The following SI variants were observed in gnomAD, a reference collection of about 807,000 sequenced individuals.
The protein encoded by SI is sucrase-isomaltase, also known as sucrase-isomaltase, intestinal.
A neutral mutation model predicts 253.3 loss-of-function variants in SI; 235 were observed. That is an observed-to-expected ratio of 0.93 (90% CI 0.83 to 1.03). The LOEUF (loss-of-function observed/expected upper bound fraction) is 1.03, where lower values mean the gene tolerates loss of function less well. SI is among the 50% of genes least tolerant of loss of function. The probability of loss-of-function intolerance (pLI) is 0.00; values close to 1 mark genes in which losing one functional copy is unlikely to be tolerated. For missense variants in SI, 2,442 were observed against 2,211.1 expected (o/e 1.10, Z -2.09); for synonymous variants, 819 against 712.0 (o/e 1.15, Z -2.39).
Position 165,021,158 on chromosome 3 carries a change from TA to T in SI, c.3254+70del. Reference sequence around the variant, plus strand: ...GCTACTCTAGGACAGTGAAGGCTGTTAATCATTTTACTTTTCCCTTCGTAAG... The same window carrying T: ...GCTACTCTAGGACAGTGAAGGCTGTTATCATTTTACTTTTCCCTTCGTAAG... On this transcript the variant is annotated intron_variant, in intron 27 of 47. Transcript: ENST00000264382. 2.2e-6 allele frequency: 3 copies of T among 1,351,440 alleles called. No homozygotes were observed. In the South Asian group the frequency reaches 3.5e-5, roughly 16 times the overall value. The allele number at this position is 1,351,440 out of a possible 1,614,324, so 83.7% of individuals were successfully genotyped here.
rs1231763828 is a variant in SI, at chr3:165,033,419, T to C, written c.2541A>G (p.Ile847Met). The C allele has an allele frequency of 6.4e-7, 1 of 1,552,500 alleles. No homozygotes were observed. Among genetic ancestry groups the C allele is most frequent in the Non-Finnish European group, 8.7e-7 (1 of 1,145,850 alleles). ...CATTAGAAACTGAAAATGTATATAATATGTAGTTGCCATTTTGTATTGTAT... is the reference window on the plus strand; with the variant it reads ...CATTAGAAACTGAAAATGTATATAACATGTAGTTGCCATTTTGTATTGTAT... ...TKDTIQNGNY[I>M]LYTFSVSNNT... The change falls in exon 23 of 48, where the codon ATA becomes ATG. Residue 847 changes from isoleucine (I) to methionine (M), a missense_variant. Transcript: ENST00000264382.
At position 165,043,111 on chromosome 3, in the gene SI, T is replaced by C; in HGVS notation, c.1952A>G (p.Gln651Arg). The change falls in exon 17 of 48, where the codon CAA (glutamine) becomes CGA (arginine). Residue 651 changes from glutamine to arginine, a missense_variant. Gln to Arg is a conservative substitution (Grantham distance 43). Transcript: ENST00000264382. The stretch of plus-strand genomic sequence containing the variant: ...GGAAAATGGATAAAATGCCCCAAGT[T>C]GCATCCATCTTCTGCAAAGTTCTTC... ...TTEELCRRWM[Q>R]LGAFYPFSRN... 6.2e-7 allele frequency: 1 copy of C among 1,612,794 alleles called. No homozygotes were observed. The highest frequency in any genetic ancestry group is 8.5e-7 in the Non-Finnish European group (1 of 1,179,256).
At chr3:165,073,424 A>G (rs1320910536) in intron 3 of SI, among the ~76,000 whole-genome samples, 2 of 152,022 alleles carry the variant, frequency 1.3e-5, no homozygotes, top group African/African-American at 4.8e-5. Flanking sequence ...AAGCTATAGG[A>G]CCTATTACTT....
In SI at chr3:164,994,373, A is replaced by G. The variant is rs148726149; in HGVS notation, c.4725T>C (p.Phe1575=). The G allele has an allele frequency of 6.2e-6, 10 of 1,611,108 alleles. No homozygotes were observed. The African/African-American group carries it at 1.1e-4, about 17-fold the overall frequency. The change falls in exon 41 of 48, where the codon TTT becomes TTC. Residue 1575 remains phenylalanine, a synonymous_variant. Coordinates refer to ENST00000264382, the MANE Select transcript of SI (RefSeq NM_001041.4). ...TTAGAATATTCCTTGACATTTCAGC[A>G]AAAGTTTCATTCCAGGAAGCGGGAT... ...RQDPASWNET[F]AEMSRNILNI... is the part of the protein sequence containing the mutation.
chr3:165,041,698 T>C (rs1448180454), intron 17 of SI, among the ~76,000 whole-genome samples: 3 of 152,066 alleles, frequency 2.0e-5, no homozygotes, highest in African/African-American at 7.2e-5. Context: ...GAGCTCAGGG[T>C]AGATAAGTGA....
At chr3:165,077,230 T>G (rs981246521) in intron 1 of SI, among the ~76,000 whole-genome samples, 1 of 151,516 alleles carries the variant, frequency 6.6e-6, no homozygotes, top group East Asian at 1.9e-4. Context: ...TTTCAATCCC[T>G]CCCCATCCAC....
At position 165,069,879 on chromosome 3, in the gene SI, A is replaced by G. The variant is rs1714446122; in HGVS notation, c.256-684T>C. Among the ~76,000 whole-genome samples, 4 of 151,496 alleles carry G rather than the reference A, an allele frequency of 2.6e-5. No homozygotes were observed. In the South Asian group the frequency reaches 8.3e-4, roughly 31 times the overall value. On this transcript the variant is annotated intron_variant, in intron 3 of 47. Coordinates refer to ENST00000264382, the MANE Select transcript of SI (RefSeq NM_001041.4). Reference sequence around the variant, plus strand: ...TGAATAGCAGTATAATTATAAATCTATGTAAATTTAATAGTGTGACACACT... The same window carrying G: ...TGAATAGCAGTATAATTATAAATCTGTGTAAATTTAATAGTGTGACACACT...
At chr3:165,060,115 T>C in intron 9 of SI, 88 bp from the exon 10 acceptor site, 1 of 1,125,924 alleles carries the variant, frequency 8.9e-7, no homozygotes, top group Non-Finnish European at 1.3e-6. Flanking sequence ...CTTATTTTCT[T>C]ATATCTCTAA....
the SI span, among the ~76,000 whole-genome samples, chr3:165,087,645 G>A: frequency 6.6e-6 from 1 of 151,980 alleles, no homozygotes; most frequent in Non-Finnish European, 1.5e-5. Context: ...CCTAGCAAAG[G>A]CAAAAATGTA....
chr3:165,019,560 G>A lies in SI; in HGVS notation c.3423+42C>T, dbSNP rs746353357. 3.7e-5 allele frequency: 58 copies of A among 1,577,396 alleles called. No individual in the cohort carries two copies. In the East Asian group the frequency reaches 1.3e-3, roughly 35 times the overall value. On this transcript the variant is annotated intron_variant, in intron 28 of 47. Transcript: ENST00000264382. ...AAGAAGTGGCTTGGATTCTACTCAT[G>A]GTCTTAGTTGCCTCGTGGAGTGGTC...
chr3:165,063,529 AATT>A lies in SI; in HGVS notation c.817_819del (p.Asn273del). Reference sequence around the variant, plus strand: ...ATAAAGAATGTTTGATGGCCGTATAAATTATTATTATTCTATAAGGCAAGAATT... The same window carrying A: ...ATAAAGAATGTTTGATGGCCGTATAAATTATTATTCTATAAGGCAAGAATT... On this transcript the variant is annotated inframe_deletion, in exon 8 of 48. Coordinates refer to ENST00000264382, the MANE Select transcript of SI (RefSeq NM_001041.4). 4 of 1,448,842 alleles carry A rather than the reference AATT, an allele frequency of 2.8e-6. No individual in the cohort carries two copies. The highest frequency in any genetic ancestry group is 1.2e-5 in the South Asian group (1 of 82,976). 89.7% of individuals were successfully genotyped at this position (1,448,842 alleles called of 1,614,324 possible). A position where few individuals can be genotyped will look rare whatever the true frequency, so the allele number is the denominator to read the frequency against.
chr3:164,984,172 A>G (rs762688396), intron 45 of SI, among the ~76,000 whole-genome samples: 4 of 152,124 alleles, frequency 2.6e-5, no homozygotes, highest in Non-Finnish European at 4.4e-5. Flanking sequence ...AAAAAAACAA[A>G]TAAGCATACA....
chr3:165,058,869 C>CACACACAG (rs1713834137), intron 12 of SI, 94 bp downstream of exon 12: 1 of 958,294 alleles, frequency 1.0e-6, no homozygotes, highest in Admixed American at 1.8e-5. Context: ...TACACACACA[C>CACACACAG]ACACACACAC....
rs1174115725 is a variant in SI, at chr3:165,047,029, A to G, written c.1716-17T>C. The stretch of plus-strand genomic sequence containing the variant: ...TGTACAGCTCTAAAAATAAAACCAA[A>G]TTAACAAATACAATTTATTTTAAAA... On this transcript the variant is annotated splice_polypyrimidine_tract_variant and intron_variant, in intron 15 of 47. Coordinates refer to ENST00000264382, the MANE Select transcript of SI (RefSeq NM_001041.4). The G allele has an allele frequency of 6.6e-7, 1 of 1,506,530 alleles. No homozygotes were observed. The allele number at this position is 1,506,530 out of a possible 1,614,324, so 93.3% of individuals were successfully genotyped here.
In SI at chr3:165,023,766, A is replaced by G. The variant is rs1711756335; in HGVS notation, c.2903T>C (p.Leu968Pro). 1 of 1,609,490 alleles carries G rather than the reference A, an allele frequency of 6.2e-7. No homozygotes were observed. Among genetic ancestry groups the G allele is most frequent in the African/African-American group, 1.3e-5 (1 of 74,722 alleles). ...RGCVWRTGSS[L>P]SKAPECYFPR... ...AAAGTAACACTCAGGTGCTTTGGAT[A>G]GAGAAGAACCCTAAAAACACAATGC... Residue 968 changes from leucine to proline, a missense_variant, in exon 26 of 48, where the codon CTA (leucine) becomes CCA (proline). Transcript: ENST00000264382.
Position 165,018,061 on chromosome 3 carries a change from T to A in SI, c.3429A>T (p.Lys1143Asn), listed in dbSNP as rs1719128586. 5.1e-6 allele frequency: 8 copies of A among 1,583,240 alleles called. No individual in the cohort carries two copies. Among genetic ancestry groups the A allele is most frequent in the Non-Finnish European group, 6.9e-6 (8 of 1,152,286 alleles). The change falls in exon 29 of 48, where the codon AAA becomes AAT. Residue 1143 changes from lysine (K) to asparagine (N), a missense_variant. Physicochemically the swap from Lys to Asn is moderately conservative, Grantham distance 94. Coordinates refer to ENST00000264382, the MANE Select transcript of SI (RefSeq NM_001041.4). The part of the protein sequence containing the change: ...MFTRDQPPGY[K>N]LNSYGFHPYY... ...AGGGATGAAATCCATAGGAATTAAG[T>A]TTGTACTGAAATACGAAAAATAAGC...
At chr3:165,025,330 C>A (rs764086627) in intron 25 of SI, among the ~76,000 whole-genome samples, 10 of 151,072 alleles carry the variant, frequency 6.6e-5, no homozygotes, top group Non-Finnish European at 1.5e-4. Context: ...ATGAACACAG[C>A]CTGCAAGAAG....
intron 12 of SI, among the ~76,000 whole-genome samples, chr3:165,055,723 T>C (rs1348273862): frequency 6.6e-6 from 1 of 152,126 alleles, no homozygotes. Flanking sequence ...TTTATGTTTA[T>C]TTGTATGAAT....
intron 16 of SI, among the ~76,000 whole-genome samples, chr3:165,045,361 C>T (rs958167562): frequency 4.6e-5 from 7 of 152,046 alleles, no homozygotes; most frequent in Non-Finnish European, 7.4e-5. Context: ...CTCAAAAAGT[C>T]CTACATTTAG....
Sources: gnomAD v4.1 joint callset for allele counts (sites outside exome capture counted in the v4.1 genomes callset) on GRCh38, gnomAD v4.1.1 for gene constraint, MANE v1.5 for transcripts, NCBI Gene and HGNC (gene_info 2026-07-23, HGNC 2026-07-21) for gene names.